RPS23: variants seen among roughly 807,000 people sequenced by gnomAD.
RPS23 encodes small ribosomal subunit protein uS12.
For missense variants in RPS23, 73 were observed against 174.5 expected, an observed-to-expected ratio of 0.42 and a Z score of 3.28; for synonymous variants, 66 against 60.4, an observed-to-expected ratio of 1.09 and a Z score of -0.43.
rs1747738794 is a variant in RPS23, at chr5:82,274,895, G to A, written c.*1214C>T. 3.4e-6 allele frequency: 1 copy of A among 293,224 alleles called. No individual in the cohort carries two copies. The highest frequency in any genetic ancestry group is 4.7e-5 in the Admixed American group (1 of 21,222). 18.2% of individuals were successfully genotyped at this position (293,224 alleles called of 1,614,324 possible). A position where few individuals can be genotyped will look rare whatever the true frequency, so the allele number is the denominator to read the frequency against. ...CCGAAGTGTGCTGGAAAACACACGA[G>A]CTCTTTAGTAAGAGCAGGCGACATG... On this transcript the variant is annotated 3_prime_UTR_variant, in exon 4 of 4. Transcript: ENST00000296674.
At position 82,274,808 on chromosome 5, in the gene RPS23, A is replaced by AC; in HGVS notation, c.*1300dup. ...TACACGTTAGGAAACACTGGTACAA[A>AC]CCAACAGGCAGCCTTTCCGCCCTTG... On this transcript the variant is annotated 3_prime_UTR_variant, in exon 4 of 4. Transcript: ENST00000296674. 1 of 203,010 alleles carries AC rather than the reference A, an allele frequency of 4.9e-6. No individual in the cohort carries two copies. The highest frequency in any genetic ancestry group is 1.0e-5 in the Non-Finnish European group (1 of 99,052). 12.6% of individuals were successfully genotyped at this position (203,010 alleles called of 1,614,324 possible).
intron 2 of RPS23, chr5:82,277,430 T>C: frequency 2.1e-6 from 1 of 478,448 alleles, no homozygotes; most frequent in South Asian, 2.2e-5. Context: ...ACAGTAAAGG[T>C]GTTTGTGTCC....
In RPS23 at chr5:82,278,348, G is replaced by C. The variant is rs980825291; in HGVS notation, c.-25C>G. 6 of 1,606,544 alleles carry C rather than the reference G, an allele frequency of 3.7e-6. No homozygotes were observed. The African/African-American group carries it at 8.0e-5, about 22-fold the overall frequency. Reference sequence around the variant, plus strand: ...TCCTGTCGGCGCCACGGGCCTGAGCGAAAGAGAGAAGCACCGCAGGAAGGA... The same window carrying C: ...TCCTGTCGGCGCCACGGGCCTGAGCCAAAGAGAGAAGCACCGCAGGAAGGA... On this transcript the variant is annotated 5_prime_UTR_variant, in exon 1 of 4. Coordinates refer to ENST00000296674, the MANE Select transcript of RPS23 (RefSeq NM_001025.5).
rs1184718954 is a variant in RPS23, at chr5:82,276,478, A to T, written c.205T>A (p.Cys69Ser). The T allele has an allele frequency of 6.2e-7, 1 of 1,613,912 alleles. No homozygotes were observed. Among genetic ancestry groups the T allele is most frequent in the Admixed American group, 1.7e-5 (1 of 60,020 alleles). Residue 69 changes from cysteine (C) to serine (S), a missense_variant, in exon 3 of 4, where the codon TGT (cysteine) becomes AGT (serine). By Grantham distance (112) the Cys-to-Ser change is moderately radical. Transcript: ENST00000296674. The stretch of plus-strand genomic sequence containing the variant: ...TTCTTGATCAGCTGGACCCTTACAC[A>T]CTTCCTAATGGCAGAATTTGGCTGT... Reference protein sequence around the residue: ...AKQPNSAIRKCVRVQLIKNGK... With the variant: ...AKQPNSAIRKSVRVQLIKNGK...
chr5:82,277,608 G>A, intron 2 of RPS23, 85 bp downstream of exon 2: 1 of 1,348,104 alleles, frequency 7.4e-7, no homozygotes, highest in South Asian at 1.2e-5. Flanking sequence ...ACAAAAACCT[G>A]CAATTACTTT....
chr5:82,277,775 T>C lies in RPS23; in HGVS notation c.82A>G (p.Lys28Glu). ...AGGGCTGTGCCCAAATGAGCTTTCTTATACTGTTTATCATGCCACTTCTGG... is the reference window on the plus strand; with the variant it reads ...AGGGCTGTGCCCAAATGAGCTTTCTCATACTGTTTATCATGCCACTTCTGG... ...RDQKWHDKQYKKAHLGTALKA... is the reference protein window; with the variant it reads ...RDQKWHDKQYEKAHLGTALKA... The change falls in exon 2 of 4, where the codon AAG becomes GAG. Residue 28 changes from lysine to glutamate, a missense_variant. Transcript: ENST00000296674. The C allele has an allele frequency of 1.2e-6, 2 of 1,613,988 alleles. No homozygotes were observed. The highest frequency in any genetic ancestry group is 8.5e-7 in the Non-Finnish European group (1 of 1,179,836).
chr5:82,277,906 C>T (rs1287077846), intron 1 of RPS23, 54 bp from the exon 2 acceptor site: 5 of 1,499,298 alleles, frequency 3.3e-6, no homozygotes, highest in Non-Finnish European at 3.7e-6. Flanking sequence ...TACGTGTTTC[C>T]CATCTTCTAA....
At position 82,275,996 on chromosome 5, in the gene RPS23, G is replaced by C. The variant is rs559578673; in HGVS notation, c.*113C>G. The C allele has an allele frequency of 1.0e-6, 1 of 986,384 alleles. No homozygotes were observed. Among genetic ancestry groups the C allele is most frequent in the Non-Finnish European group, 1.5e-6 (1 of 661,654 alleles). 61.1% of individuals were successfully genotyped at this position (986,384 alleles called of 1,614,324 possible). ...CTGGTTTAGGATAAAAAAAATAAGG[G>C]GGGGTGGTGGTGGTAATGAACATGA... On this transcript the variant is annotated 3_prime_UTR_variant, in exon 4 of 4. Transcript: ENST00000296674.
Position 82,276,380 on chromosome 5 carries a change from TAG to T in RPS23, c.285+16_285+17del. On this transcript the variant is annotated intron_variant, in intron 3 of 3. Transcript: ENST00000296674. ...GCCACCCCAAGAACAGAAGGTACGA[TAG>T]AGTTGAAATACTCACCTCAATAAAG... 3 of 1,613,922 alleles carry T rather than the reference TAG, an allele frequency of 1.9e-6. No individual in the cohort carries two copies. The highest frequency in any genetic ancestry group is 2.5e-6 in the Non-Finnish European group (3 of 1,179,836).
At chr5:82,276,686 A>G (rs1747788047) in intron 2 of RPS23, 168 bp from the exon 3 acceptor site, 2 of 771,344 alleles carry the variant, frequency 2.6e-6, no homozygotes, top group Non-Finnish European at 4.1e-6. Context: ...TCTTAATTTC[A>G]TTAGCACAAT....
At position 82,275,504 on chromosome 5, in the gene RPS23, C is replaced by G. The variant is rs1035978949; in HGVS notation, c.*605G>C. 1.7e-6 allele frequency: 1 copy of G among 593,922 alleles called. No homozygotes were observed. Among genetic ancestry groups the G allele is most frequent in the African/African-American group, 1.9e-5 (1 of 53,922 alleles). The allele number at this position is 593,922 out of a possible 1,614,324, so 36.8% of individuals were successfully genotyped here. On this transcript the variant is annotated 3_prime_UTR_variant, in exon 4 of 4. Coordinates refer to ENST00000296674, the MANE Select transcript of RPS23 (RefSeq NM_001025.5). ...TATCTCCCTTGCCTGGCATATACTTCCATCAACTAAATGATCCAATGCCTG... is the reference window on the plus strand; with the variant it reads ...TATCTCCCTTGCCTGGCATATACTTGCATCAACTAAATGATCCAATGCCTG...
chr5:82,277,759 C>A lies in RPS23; in HGVS notation c.98G>T (p.Gly33Val). The A allele has an allele frequency of 1.2e-6, 2 of 1,613,962 alleles. No homozygotes were observed. The highest frequency in any genetic ancestry group is 1.7e-5 in the Admixed American group (1 of 60,030). The change falls in exon 2 of 4, where the codon GGC (glycine) becomes GTC (valine). Residue 33 changes from glycine (G) to valine (V), a missense_variant. Coordinates refer to ENST00000296674, the MANE Select transcript of RPS23 (RefSeq NM_001025.5). ...HDKQYKKAHL[G>V]TALKANPFGG... ...AAAAGGGTTGGCCTTTAGGGCTGTG[C>A]CCAAATGAGCTTTCTTATACTGTTT...
At chr5:82,277,459 G>A in intron 2 of RPS23, 2 of 541,808 alleles carry the variant, frequency 3.7e-6, no homozygotes, top group South Asian at 2.1e-5. Flanking sequence ...ATCATTGCTA[G>A]TATCTTCTCC....
rs1747736920 is a variant in RPS23 at position 82,274,836 on chromosome 5, G to C, written c.*1273C>G. The C allele has an allele frequency of 4.7e-6, 1 of 213,384 alleles. No homozygotes were observed. Among genetic ancestry groups the C allele is most frequent in the Non-Finnish European group, 9.5e-6 (1 of 105,708 alleles). 13.2% of individuals were successfully genotyped at this position (213,384 alleles called of 1,614,324 possible). A position where few individuals can be genotyped will look rare whatever the true frequency, so the allele number is the denominator to read the frequency against. On this transcript the variant is annotated 3_prime_UTR_variant, in exon 4 of 4. Transcript: ENST00000296674. Reference sequence around the variant, plus strand: ...AACAGGCAGCCTTTCCGCCCTTGCGGAGGGAGAGACTAGCATCATCATCAA... The same window carrying C: ...AACAGGCAGCCTTTCCGCCCTTGCGCAGGGAGAGACTAGCATCATCATCAA...
At position 82,278,310 on chromosome 5, in the gene RPS23, A is replaced by G. The variant is rs887755034; in HGVS notation, c.4+10T>C. 12 of 1,609,186 alleles carry G rather than the reference A, an allele frequency of 7.5e-6. No homozygotes were observed. Among genetic ancestry groups the G allele is most frequent in the Non-Finnish European group, 1.0e-5 (12 of 1,178,292 alleles). On this transcript the variant is annotated intron_variant, in intron 1 of 3. Coordinates refer to ENST00000296674, the MANE Select transcript of RPS23 (RefSeq NM_001025.5). ...CTTGCAGCGCCCTTAAACCGGCCAC[A>G]ACAGCTCACCCATCCTGTCGGCGCC...
In RPS23 at chr5:82,276,014, G is replaced by T; in HGVS notation, c.*95C>A. ...AATAAGGGGGGGTGGTGGTGGTAAT[G>T]AACATGATCTTCGTGGTGAGAACAG... is the stretch of plus-strand genomic sequence containing the variant. On this transcript the variant is annotated 3_prime_UTR_variant, in exon 4 of 4. Coordinates refer to ENST00000296674, the MANE Select transcript of RPS23 (RefSeq NM_001025.5). The T allele has an allele frequency of 1.7e-6, 2 of 1,211,706 alleles. No individual in the cohort carries two copies. Among genetic ancestry groups the T allele is most frequent in the Non-Finnish European group, 2.3e-6 (2 of 857,696 alleles). 75.1% of individuals were successfully genotyped at this position (1,211,706 alleles called of 1,614,324 possible).
rs752048563 is a variant in RPS23, at chr5:82,277,660, TA to T, written c.164+32del. ...AAGTTCATGTCTCGAATTCCTATAA[TA>T]AACTAAAACTTGACGGGAGCAATGG... On this transcript the variant is annotated intron_variant, in intron 2 of 3. Coordinates refer to ENST00000296674, the MANE Select transcript of RPS23 (RefSeq NM_001025.5). 1.4e-5 allele frequency: 22 copies of T among 1,607,440 alleles called. No homozygotes were observed. The Admixed American group carries it at 2.3e-4, about 17-fold the overall frequency.
chr5:82,275,014 A>C lies in RPS23; in HGVS notation c.*1095T>G. 2 of 553,608 alleles carry C rather than the reference A, an allele frequency of 3.6e-6. No homozygotes were observed. The highest frequency in any genetic ancestry group is 2.3e-5 in the South Asian group (1 of 42,952). 34.3% of individuals were successfully genotyped at this position (553,608 alleles called of 1,614,324 possible). A position where few individuals can be genotyped will look rare whatever the true frequency, so the allele number is the denominator to read the frequency against. ...ACTGAGACCAGTGTTGCTGGAGCACAAAGTGCCAAGGAGAGAAATGGCAGG... is the reference window on the plus strand; with the variant it reads ...ACTGAGACCAGTGTTGCTGGAGCACCAAGTGCCAAGGAGAGAAATGGCAGG... On this transcript the variant is annotated 3_prime_UTR_variant, in exon 4 of 4. Coordinates refer to ENST00000296674, the MANE Select transcript of RPS23 (RefSeq NM_001025.5).
In RPS23 at chr5:82,277,800, G is replaced by C; in HGVS notation, c.57C>G (p.Asp19Glu). ...TATACTGTTTATCATGCCACTTCTGGTCTCGTCGGTGACTACGGAGCTTCC... is the reference window on the plus strand; with the variant it reads ...TATACTGTTTATCATGCCACTTCTGCTCTCGTCGGTGACTACGGAGCTTCC... ...TARKLRSHRR[D>E]QKWHDKQYKK... The change falls in exon 2 of 4, where the codon GAC becomes GAG. Residue 19 changes from aspartate (D) to glutamate (E), a missense_variant. By Grantham distance (45) the Asp-to-Glu change is conservative (BLOSUM62 2). Coordinates refer to ENST00000296674, the MANE Select transcript of RPS23 (RefSeq NM_001025.5). 1 of 1,613,826 alleles carries C rather than the reference G, an allele frequency of 6.2e-7. No homozygotes were observed. The highest frequency in any genetic ancestry group is 1.1e-5 in the South Asian group (1 of 91,068).
Sources: gnomAD v4.1 joint callset for allele counts on GRCh38, gnomAD v4.1.1 for gene constraint, MANE v1.5 for transcripts, NCBI Gene and HGNC (gene_info 2026-07-23, HGNC 2026-07-21) for gene names.